Variants in TRMT11 observed in about 807,000 individuals in gnomAD.
TRMT11 encodes the protein tRNA methyltransferase 11.
TRMT11 carries 53 observed loss-of-function variants against 62.8 expected under a neutral mutation model. The ratio of observed to expected loss-of-function variants is 0.84; its 90% CI spans 0.68 to 1.06. The LOEUF (loss-of-function observed/expected upper bound fraction) is 1.06, where lower values mean the gene tolerates loss of function less well. Among genes scored for constraint, TRMT11 ranks in the 50% least tolerant of loss-of-function variants. The pLI, the probability that TRMT11 is intolerant of heterozygous loss-of-function variation, is 0.00. For synonymous variants in TRMT11, 188 were observed against 190.3 expected (o/e 0.99, Z 0.10); for missense variants, 556 against 553.4 (o/e 1.00, Z -0.05).
the TRMT11 span, among the ~76,000 whole-genome samples, chr6:126,213,711 C>A: frequency 6.6e-6 from 1 of 151,994 alleles, no homozygotes; most frequent in South Asian, 2.1e-4. Context: ...ACTTTGACTT[C>A]TTCCTTTCCA....
At chr6:126,011,183 T>G in intron 8 of TRMT11, 70 bp from the exon 9 acceptor site, 1 of 1,368,374 alleles carries the variant, frequency 7.3e-7, no homozygotes, top group East Asian at 2.5e-5. Flanking sequence ...AAAACATTAC[T>G]TTTCCTAAAT....
chr6:126,218,258 C>T, the TRMT11 span, among the ~76,000 whole-genome samples: 1 of 152,128 alleles, frequency 6.6e-6, no homozygotes, highest in Non-Finnish European at 1.5e-5. Flanking sequence ...AGTCCCCTTA[C>T]TCTTCCCTTT....
intron 1 of TRMT11, among the ~76,000 whole-genome samples, chr6:126,186,609 C>T (rs1463250972): frequency 6.6e-6 from 1 of 152,064 alleles, no homozygotes; most frequent in African/African-American, 2.4e-5. Flanking sequence ...ATTATATTGA[C>T]TTAGACATCT....
chr6:126,190,000 A>G, intron 1 of TRMT11, among the ~76,000 whole-genome samples: 1 of 152,150 alleles, frequency 6.6e-6, no homozygotes, highest in East Asian at 1.9e-4. Flanking sequence ...TAATGATCAA[A>G]TCTGGGTAAT....
chr6:126,185,316 A>G (rs1247575753), intron 1 of TRMT11, among the ~76,000 whole-genome samples: 1 of 152,106 alleles, frequency 6.6e-6, no homozygotes, highest in Admixed American at 6.6e-5. Flanking sequence ...AGCCATCACA[A>G]ATCTTTTTGG....
intron 21 of TRMT11, among the ~76,000 whole-genome samples, chr6:126,143,891 G>C (rs1483919321): frequency 6.6e-6 from 1 of 152,160 alleles, no homozygotes; most frequent in African/African-American, 2.4e-5. Flanking sequence ...TTGACTCACT[G>C]TGATCTGAAT....
At chr6:126,157,939 G>T (rs977208425) in intron 21 of TRMT11, among the ~76,000 whole-genome samples, 3 of 151,860 alleles carry the variant, frequency 2.0e-5, no homozygotes, top group African/African-American at 4.8e-5. Flanking sequence ...AAATTTTAAG[G>T]CAAAAGCCTT....
At chr6:126,248,435 C>A in the TRMT11 span, among the ~76,000 whole-genome samples, 1 of 151,828 alleles carries the variant, frequency 6.6e-6, no homozygotes. Flanking sequence ...TCTGTAACTG[C>A]ATGATTATTT....
the TRMT11 span, among the ~76,000 whole-genome samples, chr6:126,269,647 T>C: frequency 1.3e-5 from 2 of 152,320 alleles, no homozygotes; most frequent in East Asian, 3.9e-4. Flanking sequence ...CAAATAGTTA[T>C]AAATGTCTAA....
chr6:126,055,866 A>C (rs1776356814), intron 17 of TRMT11, among the ~76,000 whole-genome samples: 1 of 152,174 alleles, frequency 6.6e-6, no homozygotes, highest in South Asian at 2.1e-4. Flanking sequence ...ATGGTTTGAA[A>C]TTCAAAACAG....
chr6:126,183,936 A>C (rs959942137), intron 1 of TRMT11, among the ~76,000 whole-genome samples: 2 of 152,190 alleles, frequency 1.3e-5, no homozygotes, highest in African/African-American at 2.4e-5. Flanking sequence ...TAGACTAATC[A>C]TGAAGCCTTT....
chr6:126,119,132 C>G (rs945516303), intron 21 of TRMT11, among the ~76,000 whole-genome samples: 2 of 151,990 alleles, frequency 1.3e-5, no homozygotes, highest in African/African-American at 2.4e-5. Context: ...CCAAGAGAGG[C>G]CTTTCTGATG....
chr6:126,161,353 T>C (rs894640206), intron 21 of TRMT11, among the ~76,000 whole-genome samples: 1 of 152,198 alleles, frequency 6.6e-6, no homozygotes, highest in Admixed American at 6.5e-5. Flanking sequence ...GTTCCTATGA[T>C]AGTTTTCTGA....
intron 17 of TRMT11, among the ~76,000 whole-genome samples, chr6:126,083,961 A>T (rs1282823105): frequency 1.3e-5 from 2 of 152,150 alleles, no homozygotes; most frequent in African/African-American, 2.4e-5. Flanking sequence ...CATTGTATAT[A>T]TGCACCACAG....
chr6:125,989,718 T>G (rs1231596923), intron 1 of TRMT11, among the ~76,000 whole-genome samples: 1 of 152,236 alleles, frequency 6.6e-6, no homozygotes, highest in Non-Finnish European at 1.5e-5. Context: ...TGCCAGTTTA[T>G]TCTTCCAAAA....
At chr6:126,176,625 A>G (rs1479421800), upstream of TRMT11, among the ~76,000 whole-genome samples, 2 of 152,190 alleles carry the variant, frequency 1.3e-5, no homozygotes, top group East Asian at 1.9e-4. Flanking sequence ...TAATTTTCCT[A>G]TAAAGTAAGG....
At chr6:126,115,259 T>G (rs1455648001) in intron 19 of TRMT11, among the ~76,000 whole-genome samples, 2 of 152,176 alleles carry the variant, frequency 1.3e-5, no homozygotes, top group Non-Finnish European at 2.9e-5. Context: ...TAGGCAGCTG[T>G]GCTCACTATT....
intron 17 of TRMT11, among the ~76,000 whole-genome samples, chr6:126,078,458 G>A (rs1298238014): frequency 7.8e-6 from 1 of 128,908 alleles, no homozygotes; most frequent in Non-Finnish European, 1.7e-5. Flanking sequence ...ATTTCATTTT[G>A]TTATTCTTTT....
chr6:126,093,126 A>C (rs1265652201), intron 17 of TRMT11, among the ~76,000 whole-genome samples: 1 of 152,206 alleles, frequency 6.6e-6, no homozygotes, highest in Non-Finnish European at 1.5e-5. Flanking sequence ...AGAAAGTATT[A>C]AATTATTTCC....
Sources: gnomAD v4.1 joint callset for allele counts (sites outside exome capture counted in the v4.1 genomes callset) on GRCh38, gnomAD v4.1.1 for gene constraint, MANE v1.5 for transcripts, NCBI Gene and HGNC (gene_info 2026-07-23, HGNC 2026-07-21) for gene names.